SLC8A3: variants seen among roughly 807,000 people sequenced by gnomAD.
SLC8A3 encodes the protein solute carrier family 8 member A3.
SLC8A3 carries 37 observed loss-of-function variants against 65.4 expected under a neutral mutation model. The observed-to-expected ratio is 0.57, with a 90% CI of 0.44 to 0.74. The LOEUF is 0.74. Ranked by LOEUF, SLC8A3 falls within the 30% of genes least tolerant of loss-of-function variation. The pLI is 0.00. For synonymous variants in SLC8A3, 461 were observed against 444.5 expected, an observed-to-expected ratio of 1.04 and a Z score of -0.47; for missense variants, 1,112 against 1,172.1, an observed-to-expected ratio of 0.95 and a Z score of 0.75.
rs564139245 is a variant in SLC8A3, at chr14:70,073,671, C to G, written c.1785-12732G>C. On this transcript the variant is annotated intron_variant, in intron 2 of 6. Transcript: ENST00000356921. ...TCATGGCTTTAGAGATGTTGGATCT[C>G]TCTGTCTTGTCTTCTCTCACTGCTG... Among the ~76,000 whole-genome samples, 15 of 152,298 alleles carry G rather than the reference C, an allele frequency of 9.8e-5. No individual in the cohort carries two copies. In the South Asian group the frequency reaches 3.1e-3, roughly 32 times the overall value.
At chr14:70,128,535 C>T (rs540572411) in intron 2 of SLC8A3, among the ~76,000 whole-genome samples, 107 of 152,276 alleles carry the variant, frequency 7.0e-4, no homozygotes, top group African/African-American at 2.2e-3. Context: ...GCTTTAAGAC[C>T]GACTTCTTTA....
At position 70,099,181 on chromosome 14, in the gene SLC8A3, T is replaced by A. The variant is rs867436974; in HGVS notation, c.1785-38242A>T. Among the ~76,000 whole-genome samples, 5 of 152,242 alleles carry A rather than the reference T, an allele frequency of 3.3e-5. No individual in the cohort carries two copies. The South Asian group carries it at 1.0e-3, about 32-fold the overall frequency. The stretch of plus-strand genomic sequence containing the variant: ...TCCCGAGAAGGAGGGTACATACTGG[T>A]TAAAAAGCGGGGTCAGCAAACTATG... On this transcript the variant is annotated intron_variant, in intron 2 of 6. Coordinates refer to ENST00000356921, the MANE Select transcript of SLC8A3 (RefSeq NM_182932.3).
chr14:70,168,009 A>G lies in SLC8A3; in HGVS notation c.414T>C (p.Leu138=), dbSNP rs1476453427. The change falls in exon 2 of 7, where the codon CTT becomes CTC. Residue 138 remains leucine, a synonymous_variant. Transcript: ENST00000356921. ...VWNETVSNLT[L]MALGSSAPEI... is the part of the protein sequence containing the mutation. ...CAGGAGCAGAGGAACCCAGGGCCAT[A>G]AGGGTCAGGTTGGAGACAGTTTCAT... The G allele has an allele frequency of 5.6e-6, 9 of 1,614,038 alleles. No homozygotes were observed. Among genetic ancestry groups the G allele is most frequent in the Non-Finnish European group, 6.8e-6 (8 of 1,180,024 alleles).
chr14:70,189,109 G>C (rs757257084), upstream of SLC8A3: 6 of 152,316 alleles, frequency 3.9e-5, no homozygotes, highest in Middle Eastern at 6.8e-3. Flanking sequence ...CCTCGCGCGC[G>C]GAGGGGAGAC....
At chr14:70,107,269 A>G (rs1892937188) in intron 2 of SLC8A3, among the ~76,000 whole-genome samples, 1 of 152,168 alleles carries the variant, frequency 6.6e-6, no homozygotes, top group African/African-American at 2.4e-5. Context: ...ACTAGAAAAA[A>G]AAAATCAGAT....
At chr14:70,078,162 A>G (rs967610894) in intron 2 of SLC8A3, among the ~76,000 whole-genome samples, 1 of 152,226 alleles carries the variant, frequency 6.6e-6, no homozygotes, top group African/African-American at 2.4e-5. Flanking sequence ...TTCACCTGAA[A>G]CAGGAGATGG....
intron 2 of SLC8A3, among the ~76,000 whole-genome samples, chr14:70,119,537 C>T (rs1365290587): frequency 6.6e-6 from 1 of 152,122 alleles, no homozygotes; most frequent in Non-Finnish European, 1.5e-5. Flanking sequence ...GAGAATGAAA[C>T]CAAGATCCAG....
intron 2 of SLC8A3, among the ~76,000 whole-genome samples, chr14:70,134,077 G>A (rs916373828): frequency 6.6e-6 from 1 of 152,148 alleles, no homozygotes; most frequent in African/African-American, 2.4e-5. Flanking sequence ...GCACTGAGAT[G>A]GAATTAAATT....
intron 2 of SLC8A3, among the ~76,000 whole-genome samples, chr14:70,077,780 T>G (rs4899324): frequency 0.35 from 53,798 of 152,184 alleles, 9,662 homozygotes; most frequent in East Asian, 0.44. Flanking sequence ...TGCCCTCGCT[T>G]CAGTGAATTC....
At chr14:70,137,826 C>T (rs1341825917) in intron 2 of SLC8A3, among the ~76,000 whole-genome samples, 2 of 145,176 alleles carry the variant, frequency 1.4e-5, no homozygotes, top group East Asian at 4.0e-4. Flanking sequence ...TCTCCCAGCA[C>T]CTTGTTAATT....
intron 2 of SLC8A3, among the ~76,000 whole-genome samples, chr14:70,136,893 T>A (rs1318275116): frequency 1.3e-5 from 2 of 152,216 alleles, no homozygotes; most frequent in Non-Finnish European, 2.9e-5. Flanking sequence ...CATGAAAATA[T>A]TTTGAATGAG....
chr14:70,055,997 A>G (rs1888071986), intron 3 of SLC8A3, among the ~76,000 whole-genome samples: 1 of 152,220 alleles, frequency 6.6e-6, no homozygotes, highest in African/African-American at 2.4e-5. Flanking sequence ...GAGCAGCAGC[A>G]AGAGGTGTGA....
chr14:70,060,487 G>A (rs996574680), intron 3 of SLC8A3, among the ~76,000 whole-genome samples: 2 of 152,126 alleles, frequency 1.3e-5, no homozygotes, highest in Admixed American at 6.5e-5. Flanking sequence ...GTGGGGGAGA[G>A]TGCAGGGGCC....
chr14:70,184,131 T>C (rs1882986317), intron 1 of SLC8A3, among the ~76,000 whole-genome samples: 1 of 152,196 alleles, frequency 6.6e-6, no homozygotes, highest in African/African-American at 2.4e-5. Context: ...AAATAGTCGC[T>C]ACCCATGAGA....
chr14:70,118,287 G>A (rs990098698), intron 2 of SLC8A3, among the ~76,000 whole-genome samples: 1 of 152,180 alleles, frequency 6.6e-6, no homozygotes, highest in Non-Finnish European at 1.5e-5. Flanking sequence ...AGGCTACAAA[G>A]GGCAGATTCC....
chr14:70,086,401 CTTTTTTTT>C (rs10605312), intron 2 of SLC8A3, among the ~76,000 whole-genome samples: 229 of 116,164 alleles, frequency 2.0e-3, no homozygotes, highest in African/African-American at 6.5e-3. Flanking sequence ...TTTCTTTTTT[CTTTTTTTT>C]TTTTTTTTTT....
At chr14:70,132,952 C>T (rs1387588836) in intron 2 of SLC8A3, among the ~76,000 whole-genome samples, 1 of 152,178 alleles carries the variant, frequency 6.6e-6, no homozygotes, top group Non-Finnish European at 1.5e-5. Flanking sequence ...GGCTTCTCTG[C>T]TTATCACTAA....
chr14:70,053,217 G>A (rs1008370509), intron 3 of SLC8A3, among the ~76,000 whole-genome samples: 4 of 152,120 alleles, frequency 2.6e-5, no homozygotes, highest in African/African-American at 9.7e-5. Flanking sequence ...AGTGCTGGTG[G>A]CCACTTTTGG....
chr14:70,139,944 T>C (rs1895457646), intron 2 of SLC8A3, among the ~76,000 whole-genome samples: 1 of 152,186 alleles, frequency 6.6e-6, no homozygotes, highest in African/African-American at 2.4e-5. Context: ...CTCTGCAAGT[T>C]CGTTGAATCA....
Sources: allele counts gnomAD v4.1 joint callset (sites outside exome capture counted in the v4.1 genomes callset), GRCh38; gene constraint gnomAD v4.1.1; transcripts MANE v1.5; gene names NCBI Gene and HGNC (gene_info 2026-07-23, HGNC 2026-07-21).